SLC1A6: variants seen among roughly 807,000 people sequenced by gnomAD.
The protein encoded by SLC1A6 is solute carrier family 1 member 6.
Under a neutral mutation model 42.1 loss-of-function variants are expected in SLC1A6, and 15 were observed. That is an observed-to-expected ratio of 0.36 (90% CI 0.24 to 0.55). The LOEUF is 0.55. Ranked by LOEUF, SLC1A6 falls within the 20% of genes least tolerant of loss-of-function variation. The pLI is 0.88. For synonymous variants in SLC1A6, 317 were observed against 319.7 expected, an observed-to-expected ratio of 0.99 and a Z score of 0.09; for missense variants, 542 against 772.5, an observed-to-expected ratio of 0.70 and a Z score of 3.54.
chr19:15,008,298 T>TC (rs560157542), intron 1 of SLC1A6, among the ~76,000 whole-genome samples: 1 of 151,290 alleles, frequency 6.6e-6, no homozygotes, highest in Admixed American at 6.6e-5. Context: ...TGAACCATGA[T>TC]CCCCCCACTG....
chr19:14,966,360 C>T (rs2045573970), intron 4 of SLC1A6, among the ~76,000 whole-genome samples: 1 of 151,976 alleles, frequency 6.6e-6, no homozygotes, highest in African/African-American at 2.4e-5. Context: ...AGTGTGGTGG[C>T]GTGCACCTGT....
chr19:14,981,898 G>A (rs1390309074), upstream of SLC1A6, among the ~76,000 whole-genome samples: 1 of 152,046 alleles, frequency 6.6e-6, no homozygotes, highest in Non-Finnish European at 1.5e-5. Context: ...TTTGGTGGCA[G>A]GTGCCTGTAG....
intron 9 of SLC1A6, among the ~76,000 whole-genome samples, chr19:14,952,722 T>TC (rs1332135696): frequency 6.6e-6 from 1 of 152,076 alleles, no homozygotes; most frequent in African/African-American, 2.4e-5. Context: ...CCATTGCTTG[T>TC]CTCCAACCCT....
Position 14,979,049 on chromosome 19 carries a change from G to GTCTCTCTCTC in SLC1A6, c.-8+259_-8+260insGAGAGAGAGA, listed in dbSNP as rs1161096319. ...ACAAATTCAGTCTCTCTCTCTCTCT[G>GTCTCTCTCTC]TCACACACACACACACACACACACA... On this transcript the variant is annotated intron_variant, in intron 1 of 9. Transcript: ENST00000594383. This position sits in a 1 kb window ranked among gnomAD's most constrained non-coding sequence, Gnocchi z 4.2. Among the ~76,000 whole-genome samples the GTCTCTCTCTC allele has an allele frequency of 2.3e-4, 7 of 30,636 alleles. No homozygotes were observed. Among genetic ancestry groups the GTCTCTCTCTC allele is most frequent in the African/African-American group, 8.2e-4 (7 of 8,584 alleles). 20.1% of individuals were successfully genotyped at this position (30,636 alleles called of 152,430 possible). A position where few individuals can be genotyped will look rare whatever the true frequency, so the allele number is the denominator to read the frequency against.
At chr19:15,005,369 C>T (rs1270741284) in intron 1 of SLC1A6, among the ~76,000 whole-genome samples, 9 of 151,596 alleles carry the variant, frequency 5.9e-5, no homozygotes, top group African/African-American at 1.2e-4. Flanking sequence ...ATTAGCTGGG[C>T]GTGGTGGTGG....
chr19:14,989,950 C>T (rs2045811525), intron 1 of SLC1A6, among the ~76,000 whole-genome samples: 1 of 151,984 alleles, frequency 6.6e-6, no homozygotes, highest in Non-Finnish European at 1.5e-5. Context: ...CAAGTTCATG[C>T]CACTGCACTC....
rs146939725 is a variant in SLC1A6, at chr19:14,964,438, C to T, written c.549-77G>A. On this transcript the variant is annotated intron_variant, in intron 4 of 9. Transcript: ENST00000594383. ...TAGGGTGATAACAGTAATACTAACA[C>T]CAAGAACAACAATAGTGCAGCCAAC... is the stretch of plus-strand genomic sequence containing the variant. 150 of 1,163,912 alleles carry T rather than the reference C, an allele frequency of 1.3e-4. 3 individuals carry two copies. The African/African-American group carries it at 1.9e-3, about 15-fold the overall frequency. The allele number at this position is 1,163,912 out of a possible 1,614,324, so 72.1% of individuals were successfully genotyped here.
chr19:14,992,033 G>C (rs569414178), intron 1 of SLC1A6, among the ~76,000 whole-genome samples: 7 of 151,840 alleles, frequency 4.6e-5, no homozygotes, highest in Non-Finnish European at 7.4e-5. Context: ...ACCATGTTGG[G>C]CAGGCTGGTC....
intron 1 of SLC1A6, among the ~76,000 whole-genome samples, chr19:15,003,675 G>A (rs11667391): frequency 0.4 from 52,221 of 131,750 alleles, 10,010 homozygotes; most frequent in East Asian, 0.53. Flanking sequence ...AAAAAAAAAA[G>A]AAAGAAAAGA....
intron 1 of SLC1A6, among the ~76,000 whole-genome samples, chr19:15,009,889 G>A (rs2045916187): frequency 1.3e-5 from 2 of 152,110 alleles, no homozygotes; most frequent in Non-Finnish European, 2.9e-5. Flanking sequence ...GAAAGAAAAT[G>A]TAAGACTAAG....
At chr19:14,953,450 G>A (rs1315073500) in intron 8 of SLC1A6, among the ~76,000 whole-genome samples, 1 of 151,856 alleles carries the variant, frequency 6.6e-6, no homozygotes, top group African/African-American at 2.4e-5. Context: ...GTTTCACCAT[G>A]TTGGCCAGGC....
chr19:14,959,421 T>C (rs2045489731), intron 6 of SLC1A6, among the ~76,000 whole-genome samples: 1 of 152,240 alleles, frequency 6.6e-6, no homozygotes, highest in South Asian at 2.1e-4. Flanking sequence ...TCAGGTGTGC[T>C]CTTGCCATTG....
At chr19:14,965,311 G>A (rs1207023527) in intron 4 of SLC1A6, among the ~76,000 whole-genome samples, 5 of 152,092 alleles carry the variant, frequency 3.3e-5, no homozygotes, top group Non-Finnish European at 5.9e-5. Flanking sequence ...GAGCCACTGC[G>A]CCTGGCTGAG....
In SLC1A6 at chr19:14,993,761, G is replaced by A. The variant is rs149940342; in HGVS notation, c.6+16724C>T. On this transcript the variant is annotated intron_variant, in intron 1 of 8. Coordinates refer to the SLC1A6 transcript ENST00000430939. ...TGTCTGAAAAGAGTCAGGGGCTGGA[G>A]GGAAAGTTTTATAAGGTGGTGCTCC... is the stretch of plus-strand genomic sequence containing the variant. Among the ~76,000 whole-genome samples the A allele has an allele frequency of 4.3e-3, 657 of 152,350 alleles. 5 individuals carry two copies. Among genetic ancestry groups the A allele is most frequent in the African/African-American group, 0.015 (629 of 41,584 alleles).
upstream of SLC1A6, among the ~76,000 whole-genome samples, chr19:14,983,464 T>TCAAACTCC (rs1475101296): frequency 4.0e-5 from 6 of 151,814 alleles, no homozygotes; most frequent in African/African-American, 1.2e-4. Flanking sequence ...GACAGGAGGA[T>TCAAACTCC]TACTTGAGCC....
At chr19:14,977,099 G>A (rs1347065400) in intron 1 of SLC1A6, 1 of 151,598 alleles carries the variant, frequency 6.6e-6, no homozygotes, top group Non-Finnish European at 1.5e-5. Flanking sequence ...AATCCCTCTG[G>A]GATATTATGT....
intron 1 of SLC1A6, among the ~76,000 whole-genome samples, chr19:15,003,136 G>A (rs1007585600): frequency 6.6e-5 from 10 of 152,046 alleles, no homozygotes; most frequent in African/African-American, 2.2e-4. Context: ...GTGCCACCAC[G>A]CCCAGCTAAT....
At chr19:14,958,525 C>G (rs549126916) in intron 6 of SLC1A6, among the ~76,000 whole-genome samples, 1 of 152,258 alleles carries the variant, frequency 6.6e-6, no homozygotes, top group South Asian at 2.1e-4. Context: ...AATGAGGATG[C>G]ACGGGGCTTC....
At chr19:15,008,988 T>C (rs4808142) in intron 1 of SLC1A6, among the ~76,000 whole-genome samples, 58,556 of 150,996 alleles carry the variant, frequency 0.39, 12,272 homozygotes, top group East Asian at 0.55. Context: ...TGGAGTGAGA[T>C]CTTGTCTCAA....
Sources: gnomAD v4.1 joint callset for allele counts (sites outside exome capture counted in the v4.1 genomes callset) on GRCh38, gnomAD v4.1.1 for gene constraint, Gnocchi (gnomAD v3.1) non-coding constraint, MANE v1.5 for transcripts, NCBI Gene and HGNC (gene_info 2026-07-23, HGNC 2026-07-21) for gene names.